The following GALNTL6 variants were observed in gnomAD, a reference collection of about 807,000 sequenced individuals.
GALNTL6 encodes the protein polypeptide N-acetylgalactosaminyltransferase-like 6.
In GALNTL6, 46 loss-of-function variants were observed where a neutral mutation model predicts 73.7. The ratio of observed to expected loss-of-function variants is 0.62; its 90% CI spans 0.49 to 0.80. GALNTL6 has a LOEUF of 0.80. Among genes scored for constraint, GALNTL6 ranks in the 30% least tolerant of loss-of-function variants. The pLI, the probability that GALNTL6 is intolerant of heterozygous loss-of-function variation, is 0.00. For missense variants in GALNTL6, 604 were observed against 755.0 expected (o/e 0.80, Z 2.34); for synonymous variants, 259 against 263.7 (o/e 0.98, Z 0.17).
rs766611872 is a variant in GALNTL6, at chr4:172,068,991, C to T, written c.139-160665C>T. On this transcript the variant is annotated intron_variant, in intron 2 of 12. Transcript: ENST00000506823. ...AGGGACAAGGAATCCCTCGTCTCCT[C>T]CTGCAGAAATGTCAGGTTTGGTTTG... 6.4e-5 allele frequency among the ~76,000 whole-genome samples: 7 copies of T among 109,020 alleles called. 2 individuals are homozygous for T. The highest frequency in any genetic ancestry group is 1.4e-4 in the Non-Finnish European group (7 of 49,212). 71.5% of individuals were successfully genotyped at this position (109,020 alleles called of 152,430 possible).
intron 5 of GALNTL6, among the ~76,000 whole-genome samples, chr4:172,623,343 G>A (rs1344068695): frequency 6.6e-6 from 1 of 151,898 alleles, no homozygotes; most frequent in Non-Finnish European, 1.5e-5. Context: ...TACAGATGTC[G>A]ATTATGTGAT....
chr4:171,894,731 C>A (rs946303076), intron 2 of GALNTL6, among the ~76,000 whole-genome samples: 9 of 152,078 alleles, frequency 5.9e-5, no homozygotes, highest in African/African-American at 2.2e-4. Context: ...TACTGAATCG[C>A]CCCAAAATAG....
rs146261550 is a variant in GALNTL6, at chr4:172,358,433, C to T, written c.553+9744C>T. On this transcript the variant is annotated intron_variant, in intron 5 of 12. Transcript: ENST00000506823. ...GGTCCAACCCATGGCCTGCAGGCCGCGTGCGGCCCAGGCTGGCTTTGAATA... is the reference window on the plus strand; with the variant it reads ...GGTCCAACCCATGGCCTGCAGGCCGTGTGCGGCCCAGGCTGGCTTTGAATA... Among the ~76,000 whole-genome samples the T allele has an allele frequency of 9.3e-4, 142 of 152,372 alleles. 1 individual carries two copies. Among genetic ancestry groups the T allele is most frequent in the African/African-American group, 3.2e-3 (132 of 41,594 alleles).
chr4:171,862,999 A>T (rs768453340), intron 2 of GALNTL6, among the ~76,000 whole-genome samples: 3 of 152,226 alleles, frequency 2.0e-5, no homozygotes, highest in Non-Finnish European at 2.9e-5. Flanking sequence ...GTAATGTGTC[A>T]TCTGAAGAAA....
intron 5 of GALNTL6, among the ~76,000 whole-genome samples, chr4:172,368,868 C>T (rs889971561): frequency 6.6e-6 from 1 of 152,198 alleles, no homozygotes; most frequent in Admixed American, 6.5e-5. Context: ...TCTGGAGTTT[C>T]TTCCTTCTGG....
rs542432584 is a variant in GALNTL6 at position 172,212,451 on chromosome 4, G to A, written c.139-17205G>A. 5.9e-5 allele frequency among the ~76,000 whole-genome samples: 9 copies of A among 152,120 alleles called. No individual in the cohort carries two copies. The East Asian group carries it at 1.2e-3, about 20-fold the overall frequency. ...TCAGATTAGAGGCATGAGTTACCTC[G>A]CCCAGCCAATGATTAGCTTTCTAAT... On this transcript the variant is annotated intron_variant, in intron 2 of 12. Transcript: ENST00000506823.
At chr4:172,896,916 C>T (rs1180785259) in intron 8 of GALNTL6, among the ~76,000 whole-genome samples, 2 of 151,172 alleles carry the variant, frequency 1.3e-5, no homozygotes, top group African/African-American at 4.9e-5. Context: ...GCATGCCTGT[C>T]AAAATGGCTC....
chr4:172,836,450 G>T (rs1742914460), intron 7 of GALNTL6, among the ~76,000 whole-genome samples: 1 of 152,136 alleles, frequency 6.6e-6, no homozygotes. Flanking sequence ...TCCAAAGCAT[G>T]ATTTTTATCA....
intron 5 of GALNTL6, among the ~76,000 whole-genome samples, chr4:172,739,480 A>T (rs1736676243): frequency 6.6e-6 from 1 of 152,142 alleles, no homozygotes; most frequent in African/African-American, 2.4e-5. Flanking sequence ...TTGGTAGGTT[A>T]GTGGGTGGGT....
At chr4:173,026,118 T>C (rs547929737) in intron 12 of GALNTL6, among the ~76,000 whole-genome samples, 47 of 152,380 alleles carry the variant, frequency 3.1e-4, no homozygotes, top group African/African-American at 1.1e-3. Flanking sequence ...TGTCTTAATT[T>C]GGGTTTCCCC....
At chr4:172,697,741 T>A (rs1234542125) in intron 5 of GALNTL6, among the ~76,000 whole-genome samples, 1 of 152,118 alleles carries the variant, frequency 6.6e-6, no homozygotes, top group East Asian at 1.9e-4. Context: ...CATAAATATA[T>A]CATATTATTA....
intron 5 of GALNTL6, among the ~76,000 whole-genome samples, chr4:172,589,135 G>A (rs529006577): frequency 2.6e-4 from 40 of 152,180 alleles, no homozygotes; most frequent in African/African-American, 9.1e-4. Flanking sequence ...GAAAATAGGA[G>A]AAACACCTTG....
At chr4:172,296,843 A>G (rs1739694554) in intron 3 of GALNTL6, among the ~76,000 whole-genome samples, 1 of 152,220 alleles carries the variant, frequency 6.6e-6, no homozygotes, top group African/African-American at 2.4e-5. Flanking sequence ...GTGTCTTTAC[A>G]GCAGCATGAT....
At position 172,703,260 on chromosome 4, in the gene GALNTL6, T is replaced by G. The variant is rs1218239598; in HGVS notation, c.554-106101T>G. ...AGTAAAAGTGGGGAAAGTGGACCTC[T>G]TTGCCTTGTTCCAGATCTTAGAAGA... On this transcript the variant is annotated intron_variant, in intron 5 of 12. Transcript: ENST00000506823. 2.6e-5 allele frequency among the ~76,000 whole-genome samples: 4 copies of G among 151,900 alleles called. No homozygotes were observed. The East Asian group carries it at 7.7e-4, about 29-fold the overall frequency.
chr4:171,918,294 CTT>C (rs1737685773), intron 2 of GALNTL6, among the ~76,000 whole-genome samples: 1 of 151,992 alleles, frequency 6.6e-6, no homozygotes. Flanking sequence ...TGTACTCTGA[CTT>C]TTGTCTCATT....
At chr4:171,883,138 G>A (rs1028940589) in intron 2 of GALNTL6, among the ~76,000 whole-genome samples, 1 of 152,098 alleles carries the variant, frequency 6.6e-6, no homozygotes, top group African/African-American at 2.4e-5. Context: ...ATTACCTGAG[G>A]TCAGGAGTTC....
intron 4 of GALNTL6, among the ~76,000 whole-genome samples, chr4:172,333,225 G>T (rs1420491876): frequency 1.3e-5 from 2 of 152,166 alleles, no homozygotes; most frequent in Non-Finnish European, 2.9e-5. Flanking sequence ...GACCAACATG[G>T]AGAAACCTCC....
chr4:172,257,896 T>C (rs1011434327), intron 3 of GALNTL6, among the ~76,000 whole-genome samples: 1 of 151,286 alleles, frequency 6.6e-6, no homozygotes, highest in Non-Finnish European at 1.5e-5. Context: ...ATGCCTAACG[T>C]AAGGTATCTT....
intron 8 of GALNTL6, among the ~76,000 whole-genome samples, chr4:172,905,675 T>C (rs1276759768): frequency 1.3e-5 from 2 of 152,012 alleles, no homozygotes; most frequent in Admixed American, 1.3e-4. Context: ...ATTAGCCAAA[T>C]TTAAAGTTTC....
Sources: allele counts gnomAD v4.1 joint callset (sites outside exome capture counted in the v4.1 genomes callset), GRCh38; gene constraint gnomAD v4.1.1; transcripts MANE v1.5; gene names NCBI Gene and HGNC (gene_info 2026-07-23, HGNC 2026-07-21).